Variants in PPARG observed in about 807,000 individuals in gnomAD.
PPARG encodes peroxisome proliferator-activated receptor gamma.
Under a neutral mutation model 39.2 loss-of-function variants are expected in PPARG, and 17 were observed. That is an observed-to-expected ratio of 0.43 (90% CI 0.30 to 0.65). The LOEUF (loss-of-function observed/expected upper bound fraction) is 0.65. PPARG is among the 30% of genes least tolerant of loss of function. The pLI is 0.13. For missense variants in PPARG, 406 were observed against 585.9 expected (o/e 0.69, Z 3.17); for synonymous variants, 223 against 215.7 (o/e 1.03, Z -0.30).
intron 1 of PPARG, among the ~76,000 whole-genome samples, chr3:12,306,159 T>G (rs1312478228): frequency 6.6e-6 from 1 of 152,164 alleles, no homozygotes; most frequent in Non-Finnish European, 1.5e-5. Context: ...ATGAAACTGT[T>G]CCACCTTAGA....
intron 2 of PPARG, among the ~76,000 whole-genome samples, chr3:12,346,734 A>G (rs901386582): frequency 2.6e-5 from 4 of 151,882 alleles, no homozygotes; most frequent in Non-Finnish European, 5.9e-5. Context: ...TCCTGGGCTC[A>G]AGCATCCCTC....
chr3:12,294,555 A>G (rs1458143867), intron 1 of PPARG, among the ~76,000 whole-genome samples: 1 of 152,216 alleles, frequency 6.6e-6, no homozygotes, highest in Admixed American at 6.5e-5. Context: ...GTGCCAAGGT[A>G]GTATAAATAA....
At chr3:12,407,108 T>C (rs1244584629) in intron 6 of PPARG, among the ~76,000 whole-genome samples, 1 of 152,208 alleles carries the variant, frequency 6.6e-6, no homozygotes, top group Admixed American at 6.5e-5. Flanking sequence ...GTCCCAATTC[T>C]GCCATCAGCT....
intron 7 of PPARG, among the ~76,000 whole-genome samples, chr3:12,420,353 A>C (rs985535772): frequency 6.6e-6 from 1 of 152,186 alleles, no homozygotes; most frequent in Non-Finnish European, 1.5e-5. Flanking sequence ...CCTATTCCAG[A>C]TTTTCCATTC....
chr3:12,324,047 A>G lies in PPARG; in HGVS notation c.-9+11594A>G, dbSNP rs1259499198. The stretch of plus-strand genomic sequence containing the variant: ...TAATCCCAGCACTTTGAGAGGCTAA[A>G]GCGTGTGAATCACCTGAAGTCAGGA... On this transcript the variant is annotated intron_variant, in intron 2 of 7. Transcript: ENST00000651735. Among the ~76,000 whole-genome samples, 121 of 152,058 alleles carry G rather than the reference A, an allele frequency of 8.0e-4. 1 individual carries two copies. The highest frequency in any genetic ancestry group is 2.9e-3 in the African/African-American group (119 of 41,372).
upstream of PPARG, among the ~76,000 whole-genome samples, chr3:12,288,644 T>G (rs17036165): frequency 0.028 from 4,291 of 152,124 alleles, 202 homozygotes; most frequent in African/African-American, 0.097. Context: ...CGACCGCCGC[T>G]TGGGGACCGG....
chr3:12,396,109 T>G (rs1198160002), intron 5 of PPARG, among the ~76,000 whole-genome samples: 3 of 152,128 alleles, frequency 2.0e-5, no homozygotes. Context: ...TAAAAATATG[T>G]CTTCTTTATT....
chr3:12,294,437 G>A (rs777772066), intron 1 of PPARG, among the ~76,000 whole-genome samples: 42 of 152,142 alleles, frequency 2.8e-4, no homozygotes, highest in South Asian at 2.1e-3. Context: ...CCTCTGTGAT[G>A]TTAGACAAAT....
intron 5 of PPARG, among the ~76,000 whole-genome samples, chr3:12,403,546 G>A (rs948245569): frequency 2.1e-4 from 32 of 151,964 alleles, no homozygotes; most frequent in Admixed American, 6.6e-5. Flanking sequence ...TGTACAGACA[G>A]GGTCTCTCTA....
intron 2 of PPARG, among the ~76,000 whole-genome samples, chr3:12,364,713 T>G (rs1026410212): frequency 3.9e-5 from 6 of 152,176 alleles, no homozygotes; most frequent in Non-Finnish European, 8.8e-5. Context: ...TTTGGTGGTG[T>G]TAGTGTTTTA....
chr3:12,327,585 G>A (rs796329906), intron 2 of PPARG, among the ~76,000 whole-genome samples: 25 of 152,244 alleles, frequency 1.6e-4, no homozygotes, highest in African/African-American at 5.3e-4. Flanking sequence ...GAGAACTACC[G>A]AGGCAGCTGG....
intron 5 of PPARG, among the ~76,000 whole-genome samples, chr3:12,398,703 G>A (rs1051480996): frequency 2.6e-5 from 4 of 152,164 alleles, no homozygotes; most frequent in Admixed American, 6.6e-5. Flanking sequence ...AGAAATTTTG[G>A]AAATAAGAGG....
intron 4 of PPARG, among the ~76,000 whole-genome samples, chr3:12,391,339 G>A (rs2050070232): frequency 6.6e-6 from 1 of 152,162 alleles, no homozygotes; most frequent in South Asian, 2.1e-4. Context: ...GAGAAAAACT[G>A]GAGCAGAGTA....
At chr3:12,383,090 C>G (rs1027358984) in intron 4 of PPARG, among the ~76,000 whole-genome samples, 13 of 152,182 alleles carry the variant, frequency 8.5e-5, no homozygotes, top group Non-Finnish European at 1.2e-4. Context: ...TGAAAAGGGA[C>G]AAACCAGAGG....
At chr3:12,292,521 A>G (rs1487458248) in intron 1 of PPARG, among the ~76,000 whole-genome samples, 1 of 152,212 alleles carries the variant, frequency 6.6e-6, no homozygotes, top group Non-Finnish European at 1.5e-5. Context: ...TCACCAAAAA[A>G]TAGTGTTTTA....
chr3:12,323,173 G>A (rs1440531680), intron 2 of PPARG, among the ~76,000 whole-genome samples: 1 of 152,146 alleles, frequency 6.6e-6, no homozygotes, highest in East Asian at 1.9e-4. Context: ...TGAAAAAAGT[G>A]AAAAATGAAT....
chr3:12,372,178 C>A, intron 2 of PPARG: 1 of 717,344 alleles, frequency 1.4e-6, no homozygotes. Context: ...AGTTACTCTT[C>A]ATAGTACATC....
At chr3:12,350,726 T>C (rs1179589416) in intron 2 of PPARG, among the ~76,000 whole-genome samples, 1 of 152,240 alleles carries the variant, frequency 6.6e-6, no homozygotes, top group Non-Finnish European at 1.5e-5. Flanking sequence ...TGGTGTGTTA[T>C]TCTTCTCATA....
At chr3:12,340,470 T>G (rs971889286) in intron 2 of PPARG, among the ~76,000 whole-genome samples, 5 of 152,232 alleles carry the variant, frequency 3.3e-5, no homozygotes, top group African/African-American at 4.8e-5. Flanking sequence ...TAAAAGTTAC[T>G]TCTTGTCCAA....
Sources: allele counts gnomAD v4.1 joint callset (sites outside exome capture counted in the v4.1 genomes callset), GRCh38; gene constraint gnomAD v4.1.1; transcripts MANE v1.5; gene names NCBI Gene and HGNC (gene_info 2026-07-23, HGNC 2026-07-21).